Variants in CCDC42 observed in about 807,000 individuals in gnomAD.
The protein encoded by CCDC42 is coiled-coil domain containing 42.
Under a neutral mutation model 40.8 loss-of-function variants are expected in CCDC42, and 38 were observed. The observed-to-expected ratio is 0.93, with a 90% confidence interval of 0.72 to 1.22. The LOEUF is 1.22. CCDC42 is among the 50% of genes most tolerant of loss of function. The pLI is 0.00. For missense variants in CCDC42, 379 were observed against 416.5 expected (o/e 0.91, Z 0.78); for synonymous variants, 135 against 157.5 (o/e 0.86, Z 1.07).
Position 8,735,540 on chromosome 17 carries a change from A to G in CCDC42, c.564T>C (p.Ser188=), listed in dbSNP as rs1335307130. 1 of 1,614,096 alleles carries G rather than the reference A, an allele frequency of 6.2e-7. No individual in the cohort carries two copies. Among genetic ancestry groups the G allele is most frequent in the South Asian group, 1.1e-5 (1 of 91,086 alleles). Residue 188 remains serine (S), a synonymous_variant, in exon 5 of 7, where the codon TCT becomes TCC. Coordinates refer to ENST00000293845, the MANE Select transcript of CCDC42 (RefSeq NM_144681.3). This position sits in a 1 kb window ranked among gnomAD's most constrained non-coding sequence, Gnocchi z 4.7. ...CAATCTTCTCCTGGCCTTCCTGCGC[A>G]GACTGCATGAGGTCGTGGCGCATGC... The part of the protein sequence containing the change: ...LVSMRHDLMQ[S]AQEGQEKIER...
At position 8,744,080 on chromosome 17, in the gene CCDC42, T is replaced by A. The variant is rs2086662455; in HGVS notation, c.188A>T (p.Lys63Met). 1 of 1,608,308 alleles carries A rather than the reference T, an allele frequency of 6.2e-7. No individual in the cohort carries two copies. Among genetic ancestry groups the A allele is most frequent in the Admixed American group, 1.7e-5 (1 of 59,700 alleles). ...IMHQTMVQKK[K>M]MFQRRMETLN... is the part of the protein sequence containing the mutation. ...TGCACTCCATCCCTGAGTCCCCACC[T>A]TCTTCTTCTGCACCATAGTTTGATG... is the stretch of plus-strand genomic sequence containing the variant. The change falls in exon 2 of 7, where the codon AAG (lysine) becomes ATG (methionine). Residue 63 changes from lysine to methionine, a missense_variant and splice_region_variant. Lys to Met is a moderately conservative substitution (Grantham distance 95, BLOSUM62 -1). Coordinates refer to ENST00000293845, the MANE Select transcript of CCDC42 (RefSeq NM_144681.3).
intron 3 of CCDC42, 113 bp from the exon 4 acceptor site, chr17:8,741,784 T>C: frequency 1.9e-6 from 2 of 1,035,674 alleles, no homozygotes; most frequent in Non-Finnish European, 2.8e-6. Flanking sequence ...CAAACCATCC[T>C]GGCAACAGGC....
At chr17:8,732,400 G>C (rs1028683902) in intron 6 of CCDC42, among the ~76,000 whole-genome samples, 2 of 151,622 alleles carry the variant, frequency 1.3e-5, no homozygotes, top group East Asian at 1.9e-4. Context: ...CCTTTTCAAG[G>C]CTGTCTCTGG....
chr17:8,739,529 C>T (rs569571611), intron 4 of CCDC42, among the ~76,000 whole-genome samples: 1 of 152,278 alleles, frequency 6.6e-6, no homozygotes, highest in African/African-American at 2.4e-5. Context: ...CAAGACACAT[C>T]TTACAATTTT....
At chr17:8,743,480 A>C in intron 3 of CCDC42, 146 bp downstream of exon 3, 1 of 652,128 alleles carries the variant, frequency 1.5e-6, no homozygotes, top group Non-Finnish European at 2.8e-6. Context: ...AAGGACGCCT[A>C]GGGACATGCC....
At chr17:8,741,246 A>G (rs1260442515) in intron 4 of CCDC42, among the ~76,000 whole-genome samples, 1 of 151,822 alleles carries the variant, frequency 6.6e-6, no homozygotes, top group Non-Finnish European at 1.5e-5. Flanking sequence ...CCCTTGAGAA[A>G]CTCATCCAGC....
At chr17:8,737,017 AAAAG>A (rs199590698) in intron 4 of CCDC42, among the ~76,000 whole-genome samples, 20 of 120,568 alleles carry the variant, frequency 1.7e-4, no homozygotes, top group South Asian at 1.1e-3. Flanking sequence ...GGAAAAGAAA[AAAAG>A]AAAAGAAGAG....
Position 8,744,551 on chromosome 17 carries a change from C to T in CCDC42, c.59G>A (p.Gly20Glu). The T allele has an allele frequency of 6.2e-7, 1 of 1,612,378 alleles. No individual in the cohort carries two copies. Among genetic ancestry groups the T allele is most frequent in the Non-Finnish European group, 8.5e-7 (1 of 1,179,988 alleles). The change falls in exon 1 of 7, where the codon GGG becomes GAG. Residue 20 changes from glycine to glutamate, a missense_variant. Gly to Glu is a moderately conservative substitution (Grantham distance 98). Coordinates refer to ENST00000293845, the MANE Select transcript of CCDC42 (RefSeq NM_144681.3). Reference protein sequence around the residue: ...DLAEYFRLQYGERLLQMLQKL... With the variant: ...DLAEYFRLQYEERLLQMLQKL... The stretch of plus-strand genomic sequence containing the variant: ...CTGGAGCATCTGCAGCAGCCGCTCC[C>T]CATACTGCAGCCGGAAGTACTCGGC...
In CCDC42 at chr17:8,741,474, C is replaced by G. The variant is rs780183443; in HGVS notation, c.492G>C (p.Glu164Asp). Residue 164 changes from glutamate (E) to aspartate (D), a missense_variant and splice_region_variant, in exon 4 of 7, where the codon GAG (glutamate) becomes GAC (aspartate). Physicochemically the swap from Glu to Asp is conservative, Grantham distance 45. Transcript: ENST00000293845. ...CGGCCCCCCTGCTCCTTGGACTCAC[C>G]TCGGAGTTCTCCACCACCTTCTCTA... ...KYLEKVVENSEFEEIHEVIAR... is the reference protein window; with the variant it reads ...KYLEKVVENSDFEEIHEVIAR... 2 of 1,614,178 alleles carry G rather than the reference C, an allele frequency of 1.2e-6. No homozygotes were observed. The highest frequency in any genetic ancestry group is 2.2e-5 in the South Asian group (2 of 91,066).
Position 8,735,152 on chromosome 17 carries a change from G to C in CCDC42, c.817C>G (p.His273Asp). The C allele has an allele frequency of 6.2e-7, 1 of 1,614,200 alleles. No homozygotes were observed. Residue 273 changes from histidine to aspartate, a missense_variant, in exon 6 of 7, where the codon CAC becomes GAC. His to Asp is a moderately conservative substitution (Grantham distance 81). Coordinates refer to ENST00000293845, the MANE Select transcript of CCDC42 (RefSeq NM_144681.3). The surrounding 1 kb of genome is among the most constrained non-coding windows in gnomAD (Gnocchi z 4.7). ...GCCACCTCAGTCACCTCCTTCAGGT[G>C]CTTGCTCACGATCTGGAAGAGGTTC... ...TLNLFQIVSK[H>D]LKEVTEVALE...
intron 2 of CCDC42, 40 bp from the exon 3 acceptor site, chr17:8,743,770 C>T: frequency 8.4e-7 from 1 of 1,195,998 alleles, no homozygotes; most frequent in East Asian, 2.3e-5. Context: ...GTCAGGAGGG[C>T]TCCTGACATG....
intron 3 of CCDC42, among the ~76,000 whole-genome samples, 156 bp from the exon 4 acceptor site, chr17:8,741,827 G>A (rs1402808666): frequency 2.6e-5 from 4 of 152,220 alleles, no homozygotes; most frequent in Non-Finnish European, 4.4e-5. Context: ...GGGCAGAAGA[G>A]GGGTGAAGGA....
At position 8,741,583 on chromosome 17, in the gene CCDC42, C is replaced by A. The variant is rs142451736; in HGVS notation, c.383G>T (p.Arg128Leu). 1.2e-6 allele frequency: 2 copies of A among 1,614,196 alleles called. No homozygotes were observed. The highest frequency in any genetic ancestry group is 1.7e-6 in the Non-Finnish European group (2 of 1,180,032). ...KCQHMQELTK[R>L]KQEMVALRLE... Reference sequence around the variant, plus strand: ...CCGCAGCGCCACCATCTCCTGCTTGCGCTTGGTCAGCTCCTGCATGTGCTG... The same window carrying A: ...CCGCAGCGCCACCATCTCCTGCTTGAGCTTGGTCAGCTCCTGCATGTGCTG... The change falls in exon 4 of 7, where the codon CGC becomes CTC. Residue 128 changes from arginine to leucine, a missense_variant. Physicochemically the swap from Arg to Leu is moderately radical, Grantham distance 102. Coordinates refer to ENST00000293845, the MANE Select transcript of CCDC42 (RefSeq NM_144681.3).
chr17:8,741,520 T>C lies in CCDC42; in HGVS notation c.446A>G (p.Tyr149Cys), dbSNP rs890813079. 3.1e-6 allele frequency: 5 copies of C among 1,614,204 alleles called. No individual in the cohort carries two copies. The highest frequency in any genetic ancestry group is 1.1e-5 in the South Asian group (1 of 91,088). ...HQRLSAKLKD[Y>C]YIFNKYLEKV... ...CTCTAGGTACTTGTTGAAGATGTAG[T>C]AGTCCTTCAGCTTGGCGCTCAGCCG... Residue 149 changes from tyrosine (Y) to cysteine (C), a missense_variant, in exon 4 of 7, where the codon TAC becomes TGC. Coordinates refer to ENST00000293845, the MANE Select transcript of CCDC42 (RefSeq NM_144681.3).
chr17:8,741,893 G>A (rs560560078), intron 3 of CCDC42, among the ~76,000 whole-genome samples: 1 of 152,316 alleles, frequency 6.6e-6, no homozygotes, highest in East Asian at 1.9e-4. Context: ...GGACTGAGGT[G>A]GGGGCTCAGG....
rs774414796 is a variant in CCDC42 at position 8,744,114 on chromosome 17, C to G, written c.154G>C (p.Glu52Gln). 8.1e-6 allele frequency: 13 copies of G among 1,613,914 alleles called. No individual in the cohort carries two copies. The highest frequency in any genetic ancestry group is 1.3e-5 in the African/African-American group (1 of 74,910). ...TGCACCATAGTTTGATGCATGATTTCTGTCTCCTTTTTCTTCTCCAGTAGC... is the reference window on the plus strand; with the variant it reads ...TGCACCATAGTTTGATGCATGATTTGTGTCTCCTTTTTCTTCTCCAGTAGC... ...IWLLEKKKET[E>Q]IMHQTMVQKK... The change falls in exon 2 of 7, where the codon GAA (glutamate) becomes CAA (glutamine). Residue 52 changes from glutamate to glutamine, a missense_variant. By Grantham distance (29) the Glu-to-Gln change is conservative. Transcript: ENST00000293845.
At chr17:8,740,859 T>G (rs1418630724) in intron 4 of CCDC42, among the ~76,000 whole-genome samples, 1 of 152,086 alleles carries the variant, frequency 6.6e-6, no homozygotes, top group Non-Finnish European at 1.5e-5. Context: ...TCTCGGAGCC[T>G]CCATTTCCTT....
At chr17:8,731,860 T>C (rs1353674667) in intron 6 of CCDC42, among the ~76,000 whole-genome samples, 1 of 152,152 alleles carries the variant, frequency 6.6e-6, no homozygotes, top group Non-Finnish European at 1.5e-5. Context: ...TGACATGAGT[T>C]TACCTATATA....
In CCDC42 at chr17:8,741,603, G is replaced by A. The variant is rs2086645230; in HGVS notation, c.363C>T (p.His121=). ...ANKERELKCQ[H]MQELTKRKQE... ...GCTTGCGCTTGGTCAGCTCCTGCATGTGCTGGCACTTGAGTTCTCGCTCCT... is the reference window on the plus strand; with the variant it reads ...GCTTGCGCTTGGTCAGCTCCTGCATATGCTGGCACTTGAGTTCTCGCTCCT... Residue 121 remains histidine, a synonymous_variant, in exon 4 of 7, where the codon CAC becomes CAT. Transcript: ENST00000293845. 1.2e-6 allele frequency: 2 copies of A among 1,614,192 alleles called. No individual in the cohort carries two copies. Among genetic ancestry groups the A allele is most frequent in the Non-Finnish European group, 1.7e-6 (2 of 1,180,048 alleles).
Sources: gnomAD v4.1 joint callset for allele counts (sites outside exome capture counted in the v4.1 genomes callset) on GRCh38, gnomAD v4.1.1 for gene constraint, Gnocchi (gnomAD v3.1) non-coding constraint, MANE v1.5 for transcripts, NCBI Gene and HGNC (gene_info 2026-07-23, HGNC 2026-07-21) for gene names.